LIPE: variants seen among roughly 807,000 people sequenced by gnomAD.
LIPE encodes hormone-sensitive lipase.
LIPE carries 66 observed loss-of-function variants against 88.5 expected under a neutral mutation model. That is an observed-to-expected ratio of 0.75 (90% CI 0.61 to 0.91). The LOEUF (loss-of-function observed/expected upper bound fraction) is 0.91. LIPE is among the 40% of genes least tolerant of loss of function. LIPE has a pLI of 0.00. For synonymous variants in LIPE, 570 were observed against 617.5 expected, an observed-to-expected ratio of 0.92 and a Z score of 1.14; for missense variants, 1,346 against 1,434.7, an observed-to-expected ratio of 0.94 and a Z score of 1.00.
At chr19:42,403,623 T>G (rs951797354) in intron 8 of LIPE, among the ~76,000 whole-genome samples, 2 of 145,880 alleles carry the variant, frequency 1.4e-5, no homozygotes. Flanking sequence ...AATTTTTGTG[T>G]TTTTTTTTTA....
chr19:42,402,688 TGA>T lies in LIPE; in HGVS notation c.2884_2885del (p.Ser962ThrfsTer128). On this transcript the variant is annotated frameshift_variant, in exon 9 of 10. Transcript: ENST00000244289. LOFTEE classifies it high-confidence loss of function. ...ACATGAAGGGGTTCTTGACTATGGGTGAGGAGTAGAGGGGCATCTGTGTGGCA... is the reference window on the plus strand; with the variant it reads ...ACATGAAGGGGTTCTTGACTATGGGTGGAGTAGAGGGGCATCTGTGTGGCA... ...QGATQMPLYS[S>X]PIVKNPFMSP... The T allele has an allele frequency of 6.6e-7, 1 of 1,515,218 alleles. No homozygotes were observed. Among genetic ancestry groups the T allele is most frequent in the South Asian group, 1.3e-5 (1 of 76,044 alleles). 93.9% of individuals were successfully genotyped at this position (1,515,218 alleles called of 1,614,324 possible).
rs1234586126 is a variant in LIPE, at chr19:42,423,517, G to A, written c.883+2750C>T. On this transcript the variant is annotated intron_variant, in intron 1 of 9. Transcript: ENST00000244289. The stretch of plus-strand genomic sequence containing the variant: ...GGCCATAGCGGCCTCGGCGGGCTCC[G>A]TTCCCCCGGCCAACTCCATCAATTC... 3.1e-6 allele frequency: 4 copies of A among 1,270,656 alleles called. No individual in the cohort carries two copies. The East Asian group carries it at 2.3e-4, about 72-fold the overall frequency. The allele number at this position is 1,270,656 out of a possible 1,614,324, so 78.7% of individuals were successfully genotyped here. A position where few individuals can be genotyped will look rare whatever the true frequency, so the allele number is the denominator to read the frequency against.
intron 1 of LIPE, among the ~76,000 whole-genome samples, chr19:42,422,804 G>A (rs144518176): frequency 1.1e-4 from 16 of 152,292 alleles, no homozygotes; most frequent in African/African-American, 3.9e-4. Flanking sequence ...GCCAGGGCCC[G>A]TTGTCCTGGA....
rs942487236 is a variant in LIPE, at chr19:42,405,552, G to A, written c.2375C>T (p.Thr792Met). ...KCVSAYAGAKTEDHSNSDQKA... is the reference protein window; with the variant it reads ...KCVSAYAGAKMEDHSNSDQKA... ...CTGGTCTGAGTTGGAGTGGTCCTCC[G>A]TCTTTGCACCTGCAGAATATATGTG... Residue 792 changes from threonine to methionine, a missense_variant, in exon 8 of 10, where the codon ACG becomes ATG. Thr to Met is a moderately conservative substitution (Grantham distance 81). Coordinates refer to ENST00000244289, the MANE Select transcript of LIPE (RefSeq NM_005357.4). The A allele has an allele frequency of 4.3e-6, 7 of 1,612,926 alleles. No individual in the cohort carries two copies. The highest frequency in any genetic ancestry group is 1.7e-5 in the Admixed American group (1 of 59,882).
At position 42,402,952 on chromosome 19, in the gene LIPE, C is replaced by A; in HGVS notation, c.2622G>T (p.Leu874=). Residue 874 remains leucine (L), a synonymous_variant, in exon 9 of 10, where the codon CTG becomes CTT. Transcript: ENST00000244289. ...GPLGTDSLKN[L]TLRDLSLRGN... ...CCCTCAGGCTCAAGTCCCTCAGGGT[C>A]AGGTTCTTGAGGGAATCCGTGCCCA... The A allele has an allele frequency of 6.2e-7, 1 of 1,608,882 alleles. No individual in the cohort carries two copies. Among genetic ancestry groups the A allele is most frequent in the Non-Finnish European group, 8.5e-7 (1 of 1,179,746 alleles).
intron 1 of LIPE, chr19:42,423,500 CG>C: frequency 7.8e-7 from 1 of 1,278,578 alleles, no homozygotes; most frequent in Non-Finnish European, 1.0e-6. Flanking sequence ...GGGGCCATAG[CG>C]GCCTCGGCGG....
intron 1 of LIPE, among the ~76,000 whole-genome samples, chr19:42,418,305 A>G (rs1391503376): frequency 2.6e-5 from 4 of 152,128 alleles, no homozygotes; most frequent in East Asian, 1.9e-4. Flanking sequence ...TGAAAGTTCT[A>G]CTGTGGACCA....
rs2040237802 is a variant in LIPE, at chr19:42,407,826, G to A, written c.1657-35C>T. 6.5e-7 allele frequency: 1 copy of A among 1,546,460 alleles called. No individual in the cohort carries two copies. Among genetic ancestry groups the A allele is most frequent in the East Asian group, 2.3e-5 (1 of 44,302 alleles). ...GGGGACAGAAGGGGTGCTAGGGAAGGTCTGCCTGCAGGGGTGCCCTTCACC... is the reference window on the plus strand; with the variant it reads ...GGGGACAGAAGGGGTGCTAGGGAAGATCTGCCTGCAGGGGTGCCCTTCACC... On this transcript the variant is annotated intron_variant, in intron 4 of 9. Transcript: ENST00000244289. The surrounding 1 kb of genome is among the most constrained non-coding windows in gnomAD (Gnocchi z 5.8).
chr19:42,408,535 G>A lies in LIPE; in HGVS notation c.1420-213C>T, dbSNP rs2040266582. On this transcript the variant is annotated intron_variant, in intron 2 of 9. Coordinates refer to ENST00000244289, the MANE Select transcript of LIPE (RefSeq NM_005357.4). This position sits in a 1 kb window ranked among gnomAD's most constrained non-coding sequence, Gnocchi z 4.3. ...CAGCAGATAAGCAAAGCCACGCGCA[G>A]TATCATGACAAGGAATGACGAATGG... 1 of 560,984 alleles carries A rather than the reference G, an allele frequency of 1.8e-6. No homozygotes were observed. 34.8% of individuals were successfully genotyped at this position (560,984 alleles called of 1,614,324 possible).
chr19:42,406,194 T>G lies in LIPE; in HGVS notation c.2332A>C (p.Ser778Arg). 2 of 1,613,034 alleles carry G rather than the reference T, an allele frequency of 1.2e-6. No homozygotes were observed. The highest frequency in any genetic ancestry group is 1.7e-6 in the Non-Finnish European group (2 of 1,179,324). The change falls in exon 7 of 10, where the codon AGT (serine) becomes CGT (arginine). Residue 778 changes from serine to arginine, a missense_variant. Ser to Arg is a moderately radical substitution (Grantham distance 110). Transcript: ENST00000244289. The surrounding 1 kb of genome is among the most constrained non-coding windows in gnomAD (Gnocchi z 5.7). Reference sequence around the variant, plus strand: ...GCGCTGACACACTTGGAGAGCACACTGAGGGGCAGCAAGGGGTCCATGAGG... The same window carrying G: ...GCGCTGACACACTTGGAGAGCACACGGAGGGGCAGCAAGGGGTCCATGAGG... ...LSLMDPLLPL[S>R]VLSKCVSAYA...
chr19:42,425,709 C>A (rs1373825080), intron 1 of LIPE, among the ~76,000 whole-genome samples: 1 of 152,156 alleles, frequency 6.6e-6, no homozygotes, highest in Non-Finnish European at 1.5e-5. Context: ...ACTCCGGAGG[C>A]TGAGGTATGA....
At position 42,426,372 on chromosome 19, in the gene LIPE, G is replaced by C; in HGVS notation, c.778C>G (p.Leu260Val). Reference protein sequence around the residue: ...MGGMVAQGVKLGFKGKSGYKV... With the variant: ...MGGMVAQGVKVGFKGKSGYKV... Reference sequence around the variant, plus strand: ...TAACCAGATTTTCCTTTGAAGCCTAGCTTCACTCCCTGGGCCACCATTCCA... The same window carrying C: ...TAACCAGATTTTCCTTTGAAGCCTACCTTCACTCCCTGGGCCACCATTCCA... Residue 260 changes from leucine to valine, a missense_variant, in exon 1 of 10, where the codon CTA becomes GTA. Transcript: ENST00000244289. The C allele has an allele frequency of 1.2e-6, 2 of 1,613,976 alleles. No individual in the cohort carries two copies. Among genetic ancestry groups the C allele is most frequent in the Non-Finnish European group, 1.7e-6 (2 of 1,179,970 alleles).
At chr19:42,403,610 G>A (rs1293990827) in intron 8 of LIPE, among the ~76,000 whole-genome samples, 3 of 151,776 alleles carry the variant, frequency 2.0e-5, no homozygotes, top group Non-Finnish European at 4.4e-5. Context: ...ACCATGCCCG[G>A]CTAATTTTTG....
Position 42,408,846 on chromosome 19 carries a change from C to G in LIPE, c.1420-524G>C, listed in dbSNP as rs538688445. ...CTCTAAAAAAAAAAAAAGGTGAGCT[C>G]ATGCTTGGTGCTTGACCTGGGTAGC... On this transcript the variant is annotated intron_variant, in intron 2 of 9. Coordinates refer to ENST00000244289, the MANE Select transcript of LIPE (RefSeq NM_005357.4). The surrounding 1 kb of genome is among the most constrained non-coding windows in gnomAD (Gnocchi z 4.3). Among the ~76,000 whole-genome samples, 3 of 151,080 alleles carry G rather than the reference C, an allele frequency of 2.0e-5. No individual in the cohort carries two copies. Among genetic ancestry groups the G allele is most frequent in the African/African-American group, 7.3e-5 (3 of 41,298 alleles).
rs70937098 is a variant in LIPE at position 42,402,928 on chromosome 19, C to A, written c.2646G>T (p.Arg882Ser). 28 of 1,611,432 alleles carry A rather than the reference C, an allele frequency of 1.7e-5. No individual in the cohort carries two copies. The East Asian group carries it at 2.2e-4, about 13-fold the overall frequency. ...KNLTLRDLSL[R>S]GNSETSSDTP... Reference sequence around the variant, plus strand: ...TGTCCGACGACGTCTCGGAGTTTCCCCTCAGGCTCAAGTCCCTCAGGGTCA... The same window carrying A: ...TGTCCGACGACGTCTCGGAGTTTCCACTCAGGCTCAAGTCCCTCAGGGTCA... The change falls in exon 9 of 10, where the codon AGG (arginine) becomes AGT (serine). Residue 882 changes from arginine to serine, a missense_variant. Coordinates refer to ENST00000244289, the MANE Select transcript of LIPE (RefSeq NM_005357.4).
Position 42,408,286 on chromosome 19 carries a change from A to G in LIPE, c.1456T>C (p.Ser486Pro). 1.2e-6 allele frequency: 2 copies of G among 1,613,920 alleles called. No individual in the cohort carries two copies. Among genetic ancestry groups the G allele is most frequent in the Non-Finnish European group, 1.7e-6 (2 of 1,179,950 alleles). Residue 486 changes from serine to proline, a missense_variant, in exon 3 of 10, where the codon TCC becomes CCC. Transcript: ENST00000244289. This position sits in a 1 kb window ranked among gnomAD's most constrained non-coding sequence, Gnocchi z 4.3. ...TCCCCGAAGGACACCAGCCCAATGG[A>G]GATGGTCTGCAGGAATGGCCGGATG... ...PAIRPFLQTISIGLVSFGEHY... is the reference protein window; with the variant it reads ...PAIRPFLQTIPIGLVSFGEHY...
At chr19:42,416,204 C>A (rs775411053) in intron 1 of LIPE, among the ~76,000 whole-genome samples, 19 of 152,024 alleles carry the variant, frequency 1.2e-4, no homozygotes, top group Non-Finnish European at 2.1e-4. Context: ...AGAAGCCGGG[C>A]GTGGTGGCGC....
At chr19:42,416,538 G>C (rs572411396) in intron 1 of LIPE, among the ~76,000 whole-genome samples, 1 of 152,330 alleles carries the variant, frequency 6.6e-6, no homozygotes, top group South Asian at 2.1e-4. Flanking sequence ...CAGTGCCTGG[G>C]CGCCAAAGCT....
Position 42,406,017 on chromosome 19 carries a change from CACG to C in LIPE, c.2365+141_2365+143del, listed in dbSNP as rs1349918768. 1 of 613,010 alleles carries C rather than the reference CACG, an allele frequency of 1.6e-6. No individual in the cohort carries two copies. The highest frequency in any genetic ancestry group is 2.7e-6 in the Non-Finnish European group (1 of 365,664). The allele number at this position is 613,010 out of a possible 1,614,324, so 38.0% of individuals were successfully genotyped here. ...ACACACACACACACACACACACACACACGAAAAAAAAGGGACAAGGAGTCTTAG... is the reference window on the plus strand; with the variant it reads ...ACACACACACACACACACACACACACAAAAAAAAGGGACAAGGAGTCTTAG... On this transcript the variant is annotated intron_variant, in intron 7 of 9. Coordinates refer to ENST00000244289, the MANE Select transcript of LIPE (RefSeq NM_005357.4). The surrounding 1 kb of genome is among the most constrained non-coding windows in gnomAD (Gnocchi z 5.7).
Sources: gnomAD v4.1 joint callset for allele counts (sites outside exome capture counted in the v4.1 genomes callset) on GRCh38, gnomAD v4.1.1 for gene constraint, Gnocchi (gnomAD v3.1) non-coding constraint, MANE v1.5 for transcripts, NCBI Gene and HGNC (gene_info 2026-07-23, HGNC 2026-07-21) for gene names.